The following ZC3H11A variants were observed in gnomAD, a reference collection of about 807,000 sequenced individuals.
The protein encoded by ZC3H11A is zinc finger CCCH-type containing 11A, also known as zinc finger CCCH domain-containing protein 11A.
A neutral mutation model predicts 90.8 loss-of-function variants in ZC3H11A; 22 were observed. The observed-to-expected ratio is 0.24, with a 90% CI of 0.17 to 0.35. The LOEUF is 0.35. Among genes scored for constraint, ZC3H11A ranks in the 10% least tolerant of loss-of-function variants. The probability of loss-of-function intolerance (pLI) is 1.00; values close to 1 mark genes in which losing one functional copy is unlikely to be tolerated. For synonymous variants in ZC3H11A, 294 were observed against 339.8 expected (o/e 0.87, Z 1.48); for missense variants, 701 against 964.9 (o/e 0.73, Z 3.62).
intron 4 of ZC3H11A, among the ~76,000 whole-genome samples, chr1:203,819,528 A>ATTTTTTTTTTT (rs1677708499): frequency 1.4e-5 from 1 of 71,352 alleles, no homozygotes. Context: ...AGCTGACTCC[A>ATTTTTTTTTTT]ATTTTTTTTT....
intron 12 of ZC3H11A, among the ~76,000 whole-genome samples, chr1:203,842,431 C>T (rs1305244300): frequency 1.3e-5 from 2 of 152,232 alleles, no homozygotes; most frequent in East Asian, 3.9e-4. Flanking sequence ...ACCCCGTCTC[C>T]ACCAAAACAT....
At chr1:203,836,138 C>T (rs945629303) in intron 10 of ZC3H11A, among the ~76,000 whole-genome samples, 1 of 152,140 alleles carries the variant, frequency 6.6e-6, no homozygotes, top group Non-Finnish European at 1.5e-5. Flanking sequence ...ATCCCAGCTG[C>T]GTGGGCAGCT....
chr1:203,843,088 C>T (rs1686920394), intron 12 of ZC3H11A, among the ~76,000 whole-genome samples: 1 of 152,074 alleles, frequency 6.6e-6, no homozygotes, highest in Non-Finnish European at 1.5e-5. Flanking sequence ...AAAAGGGAGT[C>T]CGATGTTGGA....
chr1:203,813,222 T>G (rs1028575235), intron 2 of ZC3H11A, among the ~76,000 whole-genome samples: 2 of 152,016 alleles, frequency 1.3e-5, no homozygotes, highest in African/African-American at 2.4e-5. Context: ...TTTGTTTTTT[T>G]TTGGATGGAG....
chr1:203,852,432 C>A lies in ZC3H11A; in HGVS notation c.*33C>A, dbSNP rs909652446. The A allele has an allele frequency of 6.2e-7, 1 of 1,601,364 alleles. No individual in the cohort carries two copies. Among genetic ancestry groups the A allele is most frequent in the Non-Finnish European group, 8.5e-7 (1 of 1,175,294 alleles). On this transcript the variant is annotated 3_prime_UTR_variant, in exon 18 of 18. Transcript: ENST00000367210. ...AGTGAGGACACTTTAAAAAAAAAAT[C>A]GCCAAAAAACTGGACTTAGTTTCAT...
At position 203,847,184 on chromosome 1, in the gene ZC3H11A, ATAAAGT is replaced by A. The variant is rs1558143644; in HGVS notation, c.1047_1052del (p.Lys349_Val350del). The stretch of plus-strand genomic sequence containing the variant: ...ACATGTTTTTCTCCTGTGAAAACAG[ATAAAGT>A]TAATAAAGTTGGTGAGATCCATGTG... On this transcript the variant is annotated inframe_deletion and splice_region_variant, in exon 13 of 18. Transcript: ENST00000367210. 1.9e-6 allele frequency: 3 copies of A among 1,612,276 alleles called. No homozygotes were observed. The highest frequency in any genetic ancestry group is 1.3e-5 in the African/African-American group (1 of 74,710).
chr1:203,821,707 A>T (rs1251771394), intron 4 of ZC3H11A, among the ~76,000 whole-genome samples: 1 of 152,114 alleles, frequency 6.6e-6, no homozygotes, highest in Non-Finnish European at 1.5e-5. Flanking sequence ...AGAGCTGAGG[A>T]ATATATAAAT....
intron 9 of ZC3H11A, 113 bp downstream of exon 9, chr1:203,831,884 G>A (rs1682501161): frequency 5.1e-6 from 4 of 783,168 alleles, no homozygotes; most frequent in Non-Finnish European, 8.2e-6. Flanking sequence ...TTGTTAGTAT[G>A]CTGATGAGAT....
At position 203,806,627 on chromosome 1, in the gene ZC3H11A, A is replaced by G. The variant is rs145775541; in HGVS notation, c.-146+3611A>G. Reference sequence around the variant, plus strand: ...CTAACACCTTTTTTTCTTAATGCATATACTAGAACATCTGGAACAGTGTTG... The same window carrying G: ...CTAACACCTTTTTTTCTTAATGCATGTACTAGAACATCTGGAACAGTGTTG... On this transcript the variant is annotated intron_variant, in intron 2 of 17. Coordinates refer to ENST00000367210, the MANE Select transcript of ZC3H11A (RefSeq NM_001376342.1). Among the ~76,000 whole-genome samples the G allele has an allele frequency of 4.6e-5, 7 of 152,156 alleles. No individual in the cohort carries two copies. In the East Asian group the frequency reaches 1.4e-3, roughly 29 times the overall value.
At chr1:203,818,749 A>C in intron 4 of ZC3H11A, 60 bp downstream of exon 4, 1 of 1,610,432 alleles carries the variant, frequency 6.2e-7, no homozygotes, top group Non-Finnish European at 8.5e-7. Context: ...GGCCAATAAA[A>C]AATATAGGGA....
intron 12 of ZC3H11A, among the ~76,000 whole-genome samples, chr1:203,844,050 C>T (rs1325533900): frequency 6.6e-6 from 1 of 151,832 alleles, no homozygotes; most frequent in African/African-American, 2.4e-5. Flanking sequence ...AGAAACGGGG[C>T]TTCTCCATGT....
intron 2 of ZC3H11A, among the ~76,000 whole-genome samples, chr1:203,807,285 A>T (rs1294726738): frequency 1.3e-5 from 2 of 152,132 alleles, no homozygotes; most frequent in East Asian, 1.9e-4. Flanking sequence ...CATTTTTAAA[A>T]TTTTTATTTA....
intron 4 of ZC3H11A, among the ~76,000 whole-genome samples, chr1:203,827,638 C>T (rs1680988685): frequency 1.3e-5 from 2 of 150,414 alleles, no homozygotes; most frequent in East Asian, 2.0e-4. Context: ...GCGGAGATCG[C>T]GCCACTGCAC....
At chr1:203,799,222 C>G in intron 1 of ZC3H11A, 1 of 921,336 alleles carries the variant, frequency 1.1e-6, no homozygotes, top group South Asian at 1.4e-5. Flanking sequence ...GACAATTCCT[C>G]TAATGTGGTA....
rs940074468 is a variant in ZC3H11A, at chr1:203,847,520, C to T, written c.1379C>T (p.Ala460Val). The change falls in exon 13 of 18, where the codon GCA (alanine) becomes GTA (valine). Residue 460 changes from alanine to valine, a missense_variant. Transcript: ENST00000367210. ...VASRGQSEEPAGKTKSMQEVH... is the reference protein window; with the variant it reads ...VASRGQSEEPVGKTKSMQEVH... Reference sequence around the variant, plus strand: ...AGCAGAGGACAATCAGAGGAGCCTGCAGGTAAAACAAAGTCTATGCAGGAG... The same window carrying T: ...AGCAGAGGACAATCAGAGGAGCCTGTAGGTAAAACAAAGTCTATGCAGGAG... The T allele has an allele frequency of 6.2e-7, 1 of 1,613,924 alleles. No homozygotes were observed. Among genetic ancestry groups the T allele is most frequent in the Non-Finnish European group, 8.5e-7 (1 of 1,179,868 alleles).
chr1:203,849,575 C>A, intron 14 of ZC3H11A, 136 bp from the exon 15 acceptor site: 1 of 830,868 alleles, frequency 1.2e-6, no homozygotes, highest in Non-Finnish European at 2.0e-6. Context: ...GTCTATTTAA[C>A]ATCAAATAAA....
chr1:203,798,141 C>T (rs1669255540), intron 1 of ZC3H11A: 2 of 1,536,140 alleles, frequency 1.3e-6, no homozygotes, highest in South Asian at 1.2e-5. Flanking sequence ...GTCTTTATCT[C>T]CCTCTTCTGG....
rs1395901476 is a variant in ZC3H11A at position 203,821,508 on chromosome 1, ATTC to A, written c.174+2822_174+2824del. Among the ~76,000 whole-genome samples, 3 of 152,110 alleles carry A rather than the reference ATTC, an allele frequency of 2.0e-5. No individual in the cohort carries two copies. In the East Asian group the frequency reaches 5.8e-4, roughly 29 times the overall value. The stretch of plus-strand genomic sequence containing the variant: ...TTTGTGTTCTTTTGATGTTTCCATC[ATTC>A]TTTGAGCATCTCTGCTTTTTGGCCT... On this transcript the variant is annotated intron_variant, in intron 4 of 17. Coordinates refer to ENST00000367210, the MANE Select transcript of ZC3H11A (RefSeq NM_001376342.1).
chr1:203,848,498 C>A, intron 14 of ZC3H11A, 91 bp downstream of exon 14: 2 of 888,772 alleles, frequency 2.3e-6, no homozygotes, highest in Non-Finnish European at 3.5e-6. Context: ...CTAAGTACTT[C>A]ATTCATATAT....
Sources: gnomAD v4.1 joint callset for allele counts (sites outside exome capture counted in the v4.1 genomes callset) on GRCh38, gnomAD v4.1.1 for gene constraint, MANE v1.5 for transcripts, NCBI Gene and HGNC (gene_info 2026-07-23, HGNC 2026-07-21) for gene names.